Variants in LINGO2 observed in about 807,000 individuals in gnomAD.
LINGO2 encodes the protein leucine-rich repeat and immunoglobulin-like domain-containing nogo receptor-interacting protein 2.
A neutral mutation model predicts 30.6 loss-of-function variants in LINGO2; 14 were observed. The ratio of observed to expected loss-of-function variants is 0.46; its 90% CI spans 0.30 to 0.72. The LOEUF is 0.72. LINGO2 is among the 30% of genes least tolerant of loss of function. LINGO2 has a pLI of 0.07. For synonymous variants in LINGO2, 317 were observed against 288.5 expected, an observed-to-expected ratio of 1.10 and a Z score of -1.00; for missense variants, 729 against 751.7, an observed-to-expected ratio of 0.97 and a Z score of 0.35.
Position 28,101,563 on chromosome 9 carries a change from A to T in LINGO2, c.-86-89158T>A, listed in dbSNP as rs549310168. ...CTGACAAAGATTAAACTTTTTCATC[A>T]TTCCTAAATTCCTGGGGATTTCTCC... On this transcript the variant is annotated intron_variant, in intron 4 of 5. Transcript: ENST00000379992. Among the ~76,000 whole-genome samples, 9 of 152,300 alleles carry T rather than the reference A, an allele frequency of 5.9e-5. No homozygotes were observed. The South Asian group carries it at 1.4e-3, about 25-fold the overall frequency.
At chr9:28,801,222 C>A in the LINGO2 span, among the ~76,000 whole-genome samples, 1 of 152,032 alleles carries the variant, frequency 6.6e-6, no homozygotes, top group Non-Finnish European at 1.5e-5. Flanking sequence ...GATTTATAAG[C>A]CAACAGCAAT....
intron 4 of LINGO2, among the ~76,000 whole-genome samples, chr9:28,104,296 T>C (rs1449888887): frequency 6.7e-6 from 1 of 149,878 alleles, no homozygotes; most frequent in Non-Finnish European, 1.5e-5. Flanking sequence ...TGCTTTTTTT[T>C]CCCCAAGCAA....
the LINGO2 span, among the ~76,000 whole-genome samples, chr9:29,089,547 A>T: frequency 1.3e-5 from 2 of 152,006 alleles, no homozygotes; most frequent in Non-Finnish European, 2.9e-5. Flanking sequence ...AACCAAATAA[A>T]CTCCAAAGTT....
the LINGO2 span, among the ~76,000 whole-genome samples, chr9:28,964,263 C>A: frequency 3.3e-5 from 5 of 151,738 alleles, no homozygotes; most frequent in Non-Finnish European, 5.9e-5. Context: ...GTCAGTATTA[C>A]AGAACAGAGA....
intron 1 of LINGO2, among the ~76,000 whole-genome samples, chr9:28,576,954 CAGTG>C (rs1824022180): frequency 1.3e-5 from 2 of 152,106 alleles, no homozygotes; most frequent in Admixed American, 1.3e-4. Context: ...AAAATTGTAA[CAGTG>C]AGAAAATTAT....
chr9:28,812,577 G>A, the LINGO2 span, among the ~76,000 whole-genome samples: 7 of 152,216 alleles, frequency 4.6e-5, no homozygotes, highest in South Asian at 1.5e-3. Flanking sequence ...CTAGCTACAT[G>A]CACCAAGAGA....
chr9:28,219,263 A>C (rs1202976964), intron 4 of LINGO2, among the ~76,000 whole-genome samples: 1 of 152,212 alleles, frequency 6.6e-6, no homozygotes, highest in East Asian at 1.9e-4. Context: ...TCTTGCTTTC[A>C]AAAAGCTTAA....
intron 5 of LINGO2, among the ~76,000 whole-genome samples, chr9:27,952,613 G>A (rs1410867020): frequency 2.0e-5 from 3 of 151,854 alleles, no homozygotes; most frequent in Admixed American, 6.6e-5. Flanking sequence ...AGAAAGTAAG[G>A]AATTATATCT....
chr9:29,160,608 A>T, the LINGO2 span, among the ~76,000 whole-genome samples: 18 of 107,818 alleles, frequency 1.7e-4, no homozygotes, highest in African/African-American at 5.6e-4. Flanking sequence ...TAAACCAGAG[A>T]GAATGTTACG....
the LINGO2 span, among the ~76,000 whole-genome samples, chr9:28,749,343 T>A: frequency 1.3e-5 from 2 of 152,046 alleles, no homozygotes; most frequent in African/African-American, 2.4e-5. Context: ...CATGCCTTCT[T>A]CTGAATTAAT....
intron 1 of LINGO2, among the ~76,000 whole-genome samples, chr9:28,520,038 TTTG>T (rs1820772136): frequency 6.6e-6 from 1 of 152,230 alleles, no homozygotes; most frequent in African/African-American, 2.4e-5. Flanking sequence ...AACATATCAA[TTTG>T]TTTTCATTAT....
intron 5 of LINGO2, among the ~76,000 whole-genome samples, chr9:27,990,462 A>ACCCCC (rs10671360): frequency 3.4e-5 from 4 of 117,962 alleles, no homozygotes; most frequent in Non-Finnish European, 7.3e-5. Flanking sequence ...TGGTCTCAAT[A>ACCCCC]CCCCCCCCCC....
chr9:28,725,310 A>T, the LINGO2 span, among the ~76,000 whole-genome samples: 23 of 151,994 alleles, frequency 1.5e-4, no homozygotes, highest in Admixed American at 1.5e-3. Context: ...TAAATATTAG[A>T]AATAAAATAT....
chr9:28,441,251 CTTTT>C (rs72213590), intron 2 of LINGO2, among the ~76,000 whole-genome samples: 4 of 36,286 alleles, frequency 1.1e-4, no homozygotes, highest in Admixed American at 4.5e-4. Flanking sequence ...TCATTGGAGG[CTTTT>C]TTTTTTTTTT....
chr9:28,731,588 G>C, the LINGO2 span, among the ~76,000 whole-genome samples: 1 of 152,094 alleles, frequency 6.6e-6, no homozygotes, highest in Non-Finnish European at 1.5e-5. Context: ...AGGGATACTT[G>C]GGAACATTTG....
At chr9:28,824,858 A>T in the LINGO2 span, among the ~76,000 whole-genome samples, 57,035 of 152,104 alleles carry the variant, frequency 0.37, 12,654 homozygotes, top group Middle Eastern at 0.5. Context: ...GTGTTAAATC[A>T]GTAGGCTGGA....
intron 1 of LINGO2, among the ~76,000 whole-genome samples, chr9:28,495,974 T>A (rs1819608452): frequency 6.6e-6 from 1 of 152,088 alleles, no homozygotes; most frequent in South Asian, 2.1e-4. Flanking sequence ...TGGTTTTGAG[T>A]GAGTTTCTTA....
rs1213967882 is a variant in LINGO2, at chr9:28,561,658, A to C, written c.-364-85633T>G. Among the ~76,000 whole-genome samples the C allele has an allele frequency of 8.1e-4, 110 of 135,132 alleles. 1 individual carries two copies. The highest frequency in any genetic ancestry group is 2.7e-3 in the African/African-American group (100 of 37,508). 88.7% of individuals were successfully genotyped at this position (135,132 alleles called of 152,430 possible). A position where few individuals can be genotyped will look rare whatever the true frequency, so the allele number is the denominator to read the frequency against. On this transcript the variant is annotated intron_variant, in intron 1 of 5. Transcript: ENST00000379992. ...TATATAAATGTATTATATATGTATAATATATATAAATTATATATAAATGTA... is the reference window on the plus strand; with the variant it reads ...TATATAAATGTATTATATATGTATACTATATATAAATTATATATAAATGTA...
At chr9:28,526,695 C>T (rs1821052265) in intron 1 of LINGO2, among the ~76,000 whole-genome samples, 1 of 152,158 alleles carries the variant, frequency 6.6e-6, no homozygotes, top group Non-Finnish European at 1.5e-5. Context: ...TGGAAACCCA[C>T]CACTGTGTAT....
Sources: allele counts gnomAD v4.1 joint callset (sites outside exome capture counted in the v4.1 genomes callset), GRCh38; gene constraint gnomAD v4.1.1; transcripts MANE v1.5; gene names NCBI Gene and HGNC (gene_info 2026-07-23, HGNC 2026-07-21).